The following NECTIN1 variants were observed in gnomAD, a reference collection of about 807,000 sequenced individuals.
The protein encoded by NECTIN1 is nectin cell adhesion molecule 1.
A neutral mutation model predicts 48.0 loss-of-function variants in NECTIN1; 23 were observed. That is an observed-to-expected ratio of 0.48 (90% confidence interval 0.34 to 0.68). The LOEUF is 0.68. Ranked by LOEUF, NECTIN1 falls within the 30% of genes least tolerant of loss-of-function variation. NECTIN1 has a pLI of 0.01. For missense variants in NECTIN1, 591 were observed against 709.9 expected (o/e 0.83, Z 1.90); for synonymous variants, 270 against 288.9 (o/e 0.93, Z 0.66).
intron 1 of NECTIN1, among the ~76,000 whole-genome samples, chr11:119,725,231 C>T (rs1865891398): frequency 6.6e-6 from 1 of 152,184 alleles, no homozygotes; most frequent in Admixed American, 6.5e-5. Context: ...ATCCTGAAAA[C>T]ATACAGCAGA....
rs984358505 is a variant in NECTIN1, at chr11:119,665,356, G to C, written c.1004-59C>G. ...CAGCGTGTGCTCCTGGGGTGTAGAGGGGGTGGGAGGGAGGCAGGGAAAGGA... is the reference window on the plus strand; with the variant it reads ...CAGCGTGTGCTCCTGGGGTGTAGAGCGGGTGGGAGGGAGGCAGGGAAAGGA... On this transcript the variant is annotated intron_variant, in intron 5 of 5. Coordinates refer to ENST00000264025, the MANE Select transcript of NECTIN1 (RefSeq NM_002855.5). The surrounding 1 kb of genome is among the most constrained non-coding windows in gnomAD (Gnocchi z 5.1). The C allele has an allele frequency of 1.3e-6, 2 of 1,512,182 alleles. No homozygotes were observed. Among genetic ancestry groups the C allele is most frequent in the East Asian group, 2.3e-5 (1 of 43,490 alleles). 93.7% of individuals were successfully genotyped at this position (1,512,182 alleles called of 1,614,324 possible).
chr11:119,688,893 G>C (rs998522770), intron 1 of NECTIN1, among the ~76,000 whole-genome samples: 18 of 152,014 alleles, frequency 1.2e-4, no homozygotes, highest in African/African-American at 3.9e-4. Context: ...TTATAGAGTG[G>C]CATGTGTGTC....
intron 1 of NECTIN1, among the ~76,000 whole-genome samples, chr11:119,723,796 T>C (rs1249595569): frequency 1.3e-5 from 2 of 152,182 alleles, no homozygotes; most frequent in Non-Finnish European, 2.9e-5. Flanking sequence ...GCTCAGGGCA[T>C]TCCCTCTGCA....
At position 119,661,830 on chromosome 11, in the gene NECTIN1, GCATGCGTGTGTA is replaced by G; in HGVS notation, c.*2905_*2916del. On this transcript the variant is annotated 3_prime_UTR_variant, in exon 6 of 6. Coordinates refer to ENST00000264025, the MANE Select transcript of NECTIN1 (RefSeq NM_002855.5). ...GCTGAGTGGCCATCTGGCTGTGCAT[GCATGCGTGTGTA>G]CATGCGTGTACACATGCCTGCGCGT... 7 of 985,396 alleles carry G rather than the reference GCATGCGTGTGTA, an allele frequency of 7.1e-6. No homozygotes were observed. The highest frequency in any genetic ancestry group is 8.4e-6 in the Non-Finnish European group (7 of 829,944). 61.0% of individuals were successfully genotyped at this position (985,396 alleles called of 1,614,324 possible).
At chr11:119,674,150 G>T (rs1864905975) in intron 5 of NECTIN1, among the ~76,000 whole-genome samples, 1 of 152,144 alleles carries the variant, frequency 6.6e-6, no homozygotes, top group South Asian at 2.1e-4. Context: ...TGGCTTTGTG[G>T]CCGGAGCCCA....
At position 119,661,482 on chromosome 11, in the gene NECTIN1, T is replaced by C; in HGVS notation, c.*3265A>G. On this transcript the variant is annotated 3_prime_UTR_variant, in exon 6 of 6. Transcript: ENST00000264025. ...CCCCTCACTAGGAGAGGGTTTCTGT[T>C]GGCAGTCAGGCTTTGGGGGTCTCTG... 1 of 985,984 alleles carries C rather than the reference T, an allele frequency of 1.0e-6. No individual in the cohort carries two copies. The highest frequency in any genetic ancestry group is 4.7e-5 in the South Asian group (1 of 21,290). The allele number at this position is 985,984 out of a possible 1,614,324, so 61.1% of individuals were successfully genotyped here. A position where few individuals can be genotyped will look rare whatever the true frequency, so the allele number is the denominator to read the frequency against.
At chr11:119,680,683 A>G (rs1340371140) in intron 1 of NECTIN1, among the ~76,000 whole-genome samples, 1 of 152,234 alleles carries the variant, frequency 6.6e-6, no homozygotes, top group Non-Finnish European at 1.5e-5. Flanking sequence ...CTTTGGCTTC[A>G]CCAAGCCAGG....
At chr11:119,644,106 A>C (rs540460279) in intron 5 of NECTIN1, among the ~76,000 whole-genome samples, 1 of 152,312 alleles carries the variant, frequency 6.6e-6, no homozygotes, top group South Asian at 2.1e-4. Flanking sequence ...TCACGCCGCA[A>C]GGATGGCCTC....
chr11:119,654,576 CTTT>C (rs11351493), intron 5 of NECTIN1, among the ~76,000 whole-genome samples: 1 of 146,086 alleles, frequency 6.8e-6, no homozygotes, highest in Non-Finnish European at 1.5e-5. Flanking sequence ...TCAGGAACAC[CTTT>C]TTTTTTTTTT....
intron 5 of NECTIN1, 38 bp downstream of exon 5, chr11:119,675,121 G>T (rs764461108): frequency 6.2e-7 from 1 of 1,613,314 alleles, no homozygotes; most frequent in Non-Finnish European, 8.5e-7. Context: ...GAAGGAACCC[G>T]TGGGTGCGGA....
intron 1 of NECTIN1, among the ~76,000 whole-genome samples, chr11:119,681,363 G>GGGATTGGTGCCATGCAT (rs1175372168): frequency 1.3e-5 from 2 of 152,194 alleles, no homozygotes; most frequent in African/African-American, 4.8e-5. Flanking sequence ...GAGCCATTTT[G>GGGATTGGTGCCATGCAT]GGATTGGTGC....
Position 119,664,908 on chromosome 11 carries a change from T to G in NECTIN1, c.1393A>C (p.Lys465Gln), listed in dbSNP as rs765204093. The G allele has an allele frequency of 1.5e-5, 25 of 1,613,852 alleles. No homozygotes were observed. In the Admixed American group the frequency reaches 4.2e-4, roughly 27 times the overall value. ...GPHPKYDEDA[K>Q]RPYFTVDEAE... Reference sequence around the variant, plus strand: ...TCATCCACGGTGAAGTAGGGCCGCTTGGCGTCCTCGTCATATTTGGGGTGG... The same window carrying G: ...TCATCCACGGTGAAGTAGGGCCGCTGGGCGTCCTCGTCATATTTGGGGTGG... Residue 465 changes from lysine (K) to glutamine (Q), a missense_variant, in exon 6 of 6, where the codon AAG becomes CAG. Transcript: ENST00000264025.
At position 119,678,244 on chromosome 11, in the gene NECTIN1, A is replaced by C. The variant is rs890856487; in HGVS notation, c.430+171T>G. On this transcript the variant is annotated intron_variant, in intron 2 of 5. Coordinates refer to ENST00000264025, the MANE Select transcript of NECTIN1 (RefSeq NM_002855.5). The surrounding 1 kb of genome is among the most constrained non-coding windows in gnomAD (Gnocchi z 4.4). Reference sequence around the variant, plus strand: ...AGATAAGCCCCTGCCCCTAATCCCTAGTGAATTGTGGGGTGGCCTGGCTAG... The same window carrying C: ...AGATAAGCCCCTGCCCCTAATCCCTCGTGAATTGTGGGGTGGCCTGGCTAG... 1.3e-5 allele frequency among the ~76,000 whole-genome samples: 2 copies of C among 152,170 alleles called. No individual in the cohort carries two copies. The highest frequency in any genetic ancestry group is 4.8e-5 in the African/African-American group (2 of 41,438).
At chr11:119,658,869 GA>G (rs1258360076), downstream of NECTIN1, 1 of 152,232 alleles carries the variant, frequency 6.6e-6, no homozygotes, top group African/African-American at 2.4e-5. Flanking sequence ...TCTTGAGCGT[GA>G]TTGGCGCATT....
At chr11:119,682,833 C>T (rs1188632942) in intron 1 of NECTIN1, among the ~76,000 whole-genome samples, 1 of 152,164 alleles carries the variant, frequency 6.6e-6, no homozygotes, top group Non-Finnish European at 1.5e-5. Context: ...TTGCTGAGCA[C>T]CTACTCCATA....
intron 5 of NECTIN1, among the ~76,000 whole-genome samples, chr11:119,647,655 C>A (rs963808700): frequency 6.6e-6 from 1 of 151,626 alleles, no homozygotes; most frequent in Non-Finnish European, 1.5e-5. Context: ...GAGGGGGTGG[C>A]GGGGGGAAGC....
chr11:119,699,547 G>C (rs992061837), intron 1 of NECTIN1, among the ~76,000 whole-genome samples: 2 of 152,234 alleles, frequency 1.3e-5, no homozygotes, highest in African/African-American at 4.8e-5. Flanking sequence ...GGGCAGGCAC[G>C]GCTGGGCCTC....
chr11:119,707,517 C>T (rs749900464), intron 1 of NECTIN1, among the ~76,000 whole-genome samples: 1 of 151,996 alleles, frequency 6.6e-6, no homozygotes, highest in Non-Finnish European at 1.5e-5. Context: ...ACAGGGTGAA[C>T]AACACCTCCC....
At chr11:119,638,332 A>G in intron 7 of NECTIN1, 1 of 1,530,838 alleles carries the variant, frequency 6.5e-7, no homozygotes, top group Non-Finnish European at 9.0e-7. Flanking sequence ...TTGGATTGGG[A>G]CTCCTCAGTT....
Sources: gnomAD v4.1 joint callset for allele counts (sites outside exome capture counted in the v4.1 genomes callset) on GRCh38, gnomAD v4.1.1 for gene constraint, Gnocchi (gnomAD v3.1) non-coding constraint, MANE v1.5 for transcripts, NCBI Gene and HGNC (gene_info 2026-07-23, HGNC 2026-07-21) for gene names.